The following TBC1D9 variants were observed in gnomAD, a reference collection of about 807,000 sequenced individuals.
The protein encoded by TBC1D9 is TBC1 domain family member 9.
In TBC1D9, 63 loss-of-function variants were observed where a neutral mutation model predicts 132.0. The observed-to-expected ratio is 0.48, with a 90% CI of 0.39 to 0.59. The LOEUF is 0.59. Among genes scored for constraint, TBC1D9 ranks in the 20% least tolerant of loss-of-function variants. TBC1D9 has a pLI of 0.00. For synonymous variants in TBC1D9, 610 were observed against 609.9 expected (o/e 1.00, Z 0.00); for missense variants, 1,261 against 1,592.7 (o/e 0.79, Z 3.54).
chr4:140,660,949 C>T (rs910664741), intron 10 of TBC1D9, among the ~76,000 whole-genome samples: 2 of 151,634 alleles, frequency 1.3e-5, no homozygotes, highest in African/African-American at 4.9e-5. Flanking sequence ...GAGTCTTGCT[C>T]TGTCGCCCAG....
At chr4:140,708,187 C>G (rs1738176999) in intron 1 of TBC1D9, among the ~76,000 whole-genome samples, 2 of 152,084 alleles carry the variant, frequency 1.3e-5, no homozygotes, top group African/African-American at 4.8e-5. Context: ...ACCATAGTTT[C>G]CAATATTATA....
intron 2 of TBC1D9, among the ~76,000 whole-genome samples, chr4:140,688,323 A>T (rs1430844957): frequency 6.6e-6 from 1 of 152,136 alleles, no homozygotes; most frequent in Non-Finnish European, 1.5e-5. Flanking sequence ...GTGACTTTAG[A>T]CAAGTGCTTA....
chr4:140,623,025 A>G (rs865986690), intron 20 of TBC1D9, 108 bp from the exon 21 acceptor site: 3 of 1,341,034 alleles, frequency 2.2e-6, no homozygotes, highest in Middle Eastern at 2.3e-4. Context: ...AGATCCCTGG[A>G]AAGTCCTCCG....
chr4:140,715,137 G>A (rs1738314765), intron 1 of TBC1D9, among the ~76,000 whole-genome samples: 2 of 151,992 alleles, frequency 1.3e-5, no homozygotes, highest in African/African-American at 2.4e-5. Context: ...ACAAACAAAC[G>A]AACAAACAAA....
At position 140,634,865 on chromosome 4, in the gene TBC1D9, C is replaced by A. The variant is rs554537987; in HGVS notation, c.2506-677G>T. 9.1e-4 allele frequency among the ~76,000 whole-genome samples: 138 copies of A among 152,246 alleles called. 1 individual carries two copies. Among genetic ancestry groups the A allele is most frequent in the African/African-American group, 3.1e-3 (130 of 41,540 alleles). ...AAAAATTATCAGCGTAGGAACCACT[C>A]CGGCGAGCAGAATAGAGATCCAGAC... On this transcript the variant is annotated intron_variant, in intron 15 of 20. Transcript: ENST00000442267.
intron 1 of TBC1D9, among the ~76,000 whole-genome samples, chr4:140,735,384 C>T (rs1436680254): frequency 6.6e-6 from 1 of 152,130 alleles, no homozygotes; most frequent in Non-Finnish European, 1.5e-5. Context: ...GTTATAGGCA[C>T]ATCAGAAATA....
Position 140,657,580 on chromosome 4 carries a change from C to T in TBC1D9, c.2154G>A (p.Val718=). The change falls in exon 12 of 21, where the codon GTG becomes GTA. Residue 718 remains valine, a synonymous_variant. Coordinates refer to ENST00000442267, the MANE Select transcript of TBC1D9 (RefSeq NM_015130.3). The part of the protein sequence containing the change: ...QLALAVLDAN[V]DKLLNCKDDG... Reference sequence around the variant, plus strand: ...CATCCTTGCAGTTCAACAGTTTGTCCACATTTGCATCCAGCACAGCTAGGG... The same window carrying T: ...CATCCTTGCAGTTCAACAGTTTGTCTACATTTGCATCCAGCACAGCTAGGG... 6.2e-7 allele frequency: 1 copy of T among 1,613,918 alleles called. No individual in the cohort carries two copies. The highest frequency in any genetic ancestry group is 1.1e-5 in the South Asian group (1 of 91,082).
chr4:140,640,300 A>G (rs6537002), intron 13 of TBC1D9, among the ~76,000 whole-genome samples: 38,372 of 151,968 alleles, frequency 0.25, 7,220 homozygotes, highest in African/African-American at 0.53. Context: ...AGGGAAAAAA[A>G]GAGGGAGGGT....
intron 16 of TBC1D9, 34 bp from the exon 17 acceptor site, chr4:140,628,399 T>A (rs1423508558): frequency 6.4e-7 from 1 of 1,567,082 alleles, no homozygotes; most frequent in Admixed American, 1.7e-5. Flanking sequence ...GTGAAATGCA[T>A]CACATGTGCT....
intron 1 of TBC1D9, among the ~76,000 whole-genome samples, chr4:140,749,216 A>C (rs1035411707): frequency 6.6e-6 from 1 of 151,380 alleles, no homozygotes; most frequent in Non-Finnish European, 1.5e-5. Context: ...AAAAAAATAA[A>C]AGGTAAAAAA....
intron 1 of TBC1D9, among the ~76,000 whole-genome samples, chr4:140,730,319 G>A (rs1738568124): frequency 6.6e-6 from 1 of 152,166 alleles, no homozygotes; most frequent in South Asian, 2.1e-4. Flanking sequence ...TCAGGAAAAA[G>A]CCCTCTGCCT....
chr4:140,727,450 T>C (rs1738518817), intron 1 of TBC1D9, among the ~76,000 whole-genome samples: 2 of 152,176 alleles, frequency 1.3e-5, no homozygotes, highest in South Asian at 4.1e-4. Flanking sequence ...TGGGGCAGAG[T>C]CCCAAACCAC....
At chr4:140,722,501 G>A (rs1387478232) in intron 1 of TBC1D9, among the ~76,000 whole-genome samples, 1 of 152,146 alleles carries the variant, frequency 6.6e-6, no homozygotes, top group Non-Finnish European at 1.5e-5. Context: ...GGAAACATTT[G>A]CTAAGTGACT....
At chr4:140,755,895 G>A in intron 1 of TBC1D9, 21 bp downstream of exon 1, 1 of 1,529,430 alleles carries the variant, frequency 6.5e-7, no homozygotes, top group Non-Finnish European at 8.8e-7. Flanking sequence ...CCCTCCTGCA[G>A]GGATCGGCCA....
At chr4:140,642,154 T>C in intron 13 of TBC1D9, 1 of 767,668 alleles carries the variant, frequency 1.3e-6, no homozygotes, top group South Asian at 1.4e-5. Flanking sequence ...TTTGCCACCA[T>C]GCCACACAGG....
At chr4:140,670,065 C>T (rs1352278449) in intron 7 of TBC1D9, among the ~76,000 whole-genome samples, 1 of 152,184 alleles carries the variant, frequency 6.6e-6, no homozygotes, top group Non-Finnish European at 1.5e-5. Context: ...CAACAAAGTG[C>T]TTGGCCATTT....
chr4:140,621,911 C>T lies in TBC1D9; in HGVS notation c.*284G>A, dbSNP rs1345894263. 6 of 307,484 alleles carry T rather than the reference C, an allele frequency of 2.0e-5. No homozygotes were observed. The highest frequency in any genetic ancestry group is 1.1e-4 in the African/African-American group (5 of 46,878). The allele number at this position is 307,484 out of a possible 1,614,324, so 19.0% of individuals were successfully genotyped here. On this transcript the variant is annotated 3_prime_UTR_variant, in exon 21 of 21. Coordinates refer to ENST00000442267, the MANE Select transcript of TBC1D9 (RefSeq NM_015130.3). ...ACAGCAAGATTAATAAGTTATAATA[C>T]ACACATATCACTGACAGATTCATCT...
intron 1 of TBC1D9, among the ~76,000 whole-genome samples, chr4:140,746,698 T>C (rs919875848): frequency 4.6e-5 from 7 of 152,110 alleles, no homozygotes; most frequent in Non-Finnish European, 1.0e-4. Context: ...TTTCCCCATA[T>C]AAAGCCATCA....
intron 1 of TBC1D9, among the ~76,000 whole-genome samples, chr4:140,730,805 A>G (rs1578859832): frequency 6.6e-6 from 1 of 152,332 alleles, no homozygotes; most frequent in South Asian, 2.1e-4. Flanking sequence ...CTGATGCACA[A>G]CGGTATGGAG....
Sources: allele counts gnomAD v4.1 joint callset (sites outside exome capture counted in the v4.1 genomes callset), GRCh38; gene constraint gnomAD v4.1.1; transcripts MANE v1.5; gene names NCBI Gene and HGNC (gene_info 2026-07-23, HGNC 2026-07-21).